The following COL5A2 variants were observed in gnomAD, a reference collection of about 807,000 sequenced individuals.
COL5A2 encodes collagen type V alpha 2 chain.
In COL5A2, 23 loss-of-function variants were observed where a neutral mutation model predicts 208.2. The observed-to-expected ratio is 0.11, with a 90% CI of 0.08 to 0.16. The LOEUF (loss-of-function observed/expected upper bound fraction) is 0.16. Ranked by LOEUF, COL5A2 falls within the 10% of genes least tolerant of loss-of-function variation. COL5A2 has a pLI of 1.00. For missense variants in COL5A2, 1,590 were observed against 1,956.4 expected (o/e 0.81, Z 3.53); for synonymous variants, 625 against 628.5 (o/e 0.99, Z 0.08).
chr2:189,285,381 C>T, the COL5A2 span, among the ~76,000 whole-genome samples: 1 of 152,090 alleles, frequency 6.6e-6, no homozygotes, highest in East Asian at 1.9e-4. Flanking sequence ...CCAGGACCTG[C>T]ACCTCCAGAG....
chr2:189,085,217 A>G lies in COL5A2; in HGVS notation c.745-4T>C, dbSNP rs781426004. ...GTCCACGTGAACCAATCGGACCCTA[A>G]TAACAGAACAAAACAAAAGGAAAAA... On this transcript the variant is annotated splice_polypyrimidine_tract_variant and splice_region_variant and intron_variant, in intron 10 of 53. Transcript: ENST00000374866. The G allele has an allele frequency of 7.5e-6, 12 of 1,609,088 alleles. No homozygotes were observed. The South Asian group carries it at 1.2e-4, about 16-fold the overall frequency.
At chr2:189,267,081 G>A in the COL5A2 span, among the ~76,000 whole-genome samples, 1 of 152,090 alleles carries the variant, frequency 6.6e-6, no homozygotes, top group African/African-American at 2.4e-5. Context: ...AGAATCTTAT[G>A]GTGGTGGGTT....
At chr2:189,196,565 A>G (rs975856407) in intron 1 of COL5A2, among the ~76,000 whole-genome samples, 12 of 148,960 alleles carry the variant, frequency 8.1e-5, no homozygotes, top group South Asian at 2.2e-4. Context: ...TAGCTACCCT[A>G]TAACCTAAAC....
intron 1 of COL5A2, among the ~76,000 whole-genome samples, chr2:189,138,871 T>C (rs563032331): frequency 2.8e-4 from 43 of 152,250 alleles, no homozygotes; most frequent in Non-Finnish European, 5.0e-4. Context: ...TAAATATCTA[T>C]GAGTCCATAC....
chr2:189,263,305 G>A, the COL5A2 span, among the ~76,000 whole-genome samples: 1 of 152,094 alleles, frequency 6.6e-6, no homozygotes, highest in Non-Finnish European at 1.5e-5. Context: ...TGGATGTAAG[G>A]TGGGACATGA....
upstream of COL5A2, among the ~76,000 whole-genome samples, chr2:189,229,266 C>T (rs1455161478): frequency 6.6e-6 from 1 of 151,538 alleles, no homozygotes; most frequent in African/African-American, 2.4e-5. Flanking sequence ...ATACCCACTC[C>T]TGCCACTTTT....
At chr2:189,314,765 T>C in the COL5A2 span, among the ~76,000 whole-genome samples, 54 of 152,104 alleles carry the variant, frequency 3.6e-4, no homozygotes, top group African/African-American at 9.6e-4. Flanking sequence ...ACTGACCCCA[T>C]AGAAATACAA....
intron 1 of COL5A2, among the ~76,000 whole-genome samples, chr2:189,189,763 T>A (rs906580634): frequency 2.0e-5 from 3 of 152,140 alleles, no homozygotes; most frequent in African/African-American, 7.2e-5. Flanking sequence ...TTGGTATAAA[T>A]AACAAATACG....
the COL5A2 span, among the ~76,000 whole-genome samples, chr2:189,261,130 G>C: frequency 1.3e-5 from 2 of 151,886 alleles, no homozygotes; most frequent in Non-Finnish European, 1.5e-5. Context: ...AGAATTGCTT[G>C]ATGTAACTCA....
chr2:189,250,879 C>T, the COL5A2 span, among the ~76,000 whole-genome samples: 6 of 152,032 alleles, frequency 3.9e-5, no homozygotes, highest in South Asian at 4.2e-4. Context: ...TAAGGAAAAG[C>T]GGCTAAAATG....
chr2:189,219,637 C>A lies in COL5A2; in HGVS notation c.-42+5511G>T, dbSNP rs1434160654. On this transcript the variant is annotated intron_variant, in intron 1 of 10. Coordinates refer to the COL5A2 transcript ENST00000649966. ...AGGTAAGATAGAATTATAGATCCCA[C>A]AGTTTCTCCTATCATGGTATTTAGA... Among the ~76,000 whole-genome samples the A allele has an allele frequency of 2.0e-5, 3 of 152,190 alleles. No individual in the cohort carries two copies. In the East Asian group the frequency reaches 5.8e-4, roughly 29 times the overall value.
At chr2:189,415,299 C>T in the COL5A2 span, among the ~76,000 whole-genome samples, 1 of 151,826 alleles carries the variant, frequency 6.6e-6, no homozygotes, top group Non-Finnish European at 1.5e-5. Context: ...TTTTGCTTTC[C>T]TCAATATTCT....
At chr2:189,114,105 A>G (rs1396282834) in intron 1 of COL5A2, among the ~76,000 whole-genome samples, 2 of 152,214 alleles carry the variant, frequency 1.3e-5, no homozygotes, top group Non-Finnish European at 2.9e-5. Context: ...CTGAGAATTT[A>G]TAATTAAATT....
chr2:189,389,906 C>T, the COL5A2 span, among the ~76,000 whole-genome samples: 2 of 152,132 alleles, frequency 1.3e-5, no homozygotes, highest in African/African-American at 4.8e-5. Flanking sequence ...GATACTACTG[C>T]ATCTAGAAGC....
chr2:189,259,280 T>C, the COL5A2 span, among the ~76,000 whole-genome samples: 6 of 152,360 alleles, frequency 3.9e-5, no homozygotes, highest in African/African-American at 1.4e-4. Flanking sequence ...GACTGAGTAC[T>C]GTATGCTATT....
chr2:189,308,303 C>T, the COL5A2 span, among the ~76,000 whole-genome samples: 22,709 of 151,196 alleles, frequency 0.15, 2,001 homozygotes, highest in South Asian at 0.21. Context: ...TACCCTCCTC[C>T]CTTTGGCACT....
chr2:189,350,140 T>C, the COL5A2 span, among the ~76,000 whole-genome samples: 1 of 152,278 alleles, frequency 6.6e-6, no homozygotes, highest in African/African-American at 2.4e-5. Flanking sequence ...AGACATCTAA[T>C]TAGAAACAGG....
At chr2:189,071,949 A>T in intron 18 of COL5A2, 91 bp downstream of exon 18, 1 of 876,280 alleles carries the variant, frequency 1.1e-6, no homozygotes, top group Non-Finnish European at 1.8e-6. Context: ...AGTAACTTTC[A>T]CACTTTTCAA....
rs115411560 is a variant in COL5A2 at position 189,108,220 on chromosome 2, A to G, written c.322+2005T>C. ...TAGTCTTTTTCTAGATTTAAATATAATAAATGCTCACATAAGTTCTTTGAC... is the reference window on the plus strand; with the variant it reads ...TAGTCTTTTTCTAGATTTAAATATAGTAAATGCTCACATAAGTTCTTTGAC... On this transcript the variant is annotated intron_variant, in intron 2 of 53. Transcript: ENST00000374866. Among the ~76,000 whole-genome samples the G allele has an allele frequency of 7.8e-3, 1,187 of 151,962 alleles. 15 individuals carry two copies. Among genetic ancestry groups the G allele is most frequent in the African/African-American group, 0.027 (1,111 of 41,562 alleles).
Sources: gnomAD v4.1 joint callset for allele counts (sites outside exome capture counted in the v4.1 genomes callset) on GRCh38, gnomAD v4.1.1 for gene constraint, MANE v1.5 for transcripts, NCBI Gene and HGNC (gene_info 2026-07-23, HGNC 2026-07-21) for gene names.